Variants in FOCAD observed in about 807,000 individuals in gnomAD.
The protein encoded by FOCAD is focadhesin.
FOCAD carries 198 observed loss-of-function variants against 225.6 expected under a neutral mutation model. The observed-to-expected ratio is 0.88, with a 90% confidence interval of 0.78 to 0.99. FOCAD has a LOEUF of 0.99. Ranked by LOEUF, FOCAD falls within the 50% of genes least tolerant of loss-of-function variation. The probability of loss-of-function intolerance (pLI) is 0.00; values close to 1 mark genes in which losing one functional copy is unlikely to be tolerated. For synonymous variants in FOCAD, 897 were observed against 755.0 expected (o/e 1.19, Z -3.08); for missense variants, 2,713 against 2,123.6 (o/e 1.28, Z -5.46).
chr9:20,757,898 AAGG>A (rs1174415284), intron 5 of FOCAD, among the ~76,000 whole-genome samples, 189 bp from the exon 6 acceptor site: 1 of 152,138 alleles, frequency 6.6e-6, no homozygotes, highest in African/African-American at 2.4e-5. Flanking sequence ...ATGTTAGGAA[AAGG>A]CAGGGGGGAG....
chr9:20,730,361 T>A (rs1826585096), intron 4 of FOCAD, among the ~76,000 whole-genome samples: 1 of 152,174 alleles, frequency 6.6e-6, no homozygotes, highest in African/African-American at 2.4e-5. Context: ...ATAATTTATA[T>A]AGGAAAGGCA....
chr9:20,933,691 T>C lies in FOCAD; in HGVS notation c.3407+588T>C, dbSNP rs559902473. 3.3e-5 allele frequency among the ~76,000 whole-genome samples: 5 copies of C among 152,312 alleles called. No homozygotes were observed. The East Asian group carries it at 9.6e-4, about 29-fold the overall frequency. ...GCTATAAACATGCATGTGAAAGTAC[T>C]TTTTTGTATAATGACTTCTTTTCCT... On this transcript the variant is annotated intron_variant, in intron 28 of 43. Coordinates refer to ENST00000338382, the MANE Select transcript of FOCAD (RefSeq NM_001375567.1).
intron 14 of FOCAD, among the ~76,000 whole-genome samples, chr9:20,822,104 A>T (rs532311067): frequency 6.6e-6 from 1 of 151,652 alleles, no homozygotes; most frequent in Non-Finnish European, 1.5e-5. Flanking sequence ...CAGAGATAAA[A>T]GTTATTGGCT....
In FOCAD at chr9:20,781,714, T is replaced by C; in HGVS notation, c.995-13T>C. Reference sequence around the variant, plus strand: ...TAATTTTTAAAAATGTGCATTATTGTTTTGATGAATAGCTTTGAAGCTCCT... The same window carrying C: ...TAATTTTTAAAAATGTGCATTATTGCTTTGATGAATAGCTTTGAAGCTCCT... On this transcript the variant is annotated splice_polypyrimidine_tract_variant and intron_variant, in intron 9 of 43. Coordinates refer to ENST00000338382, the MANE Select transcript of FOCAD (RefSeq NM_001375567.1). The C allele has an allele frequency of 6.2e-7, 1 of 1,611,948 alleles. No homozygotes were observed. Among genetic ancestry groups the C allele is most frequent in the Non-Finnish European group, 8.5e-7 (1 of 1,179,150 alleles).
chr9:20,913,337 C>T lies in FOCAD; in HGVS notation c.2807+383C>T, dbSNP rs567452551. ...TGTAGTCAAGGATTACTTCTCCCCTCCTCTGCTCCCCTCTTCCCCAAGACA... is the reference window on the plus strand; with the variant it reads ...TGTAGTCAAGGATTACTTCTCCCCTTCTCTGCTCCCCTCTTCCCCAAGACA... On this transcript the variant is annotated intron_variant, in intron 23 of 43. Transcript: ENST00000338382. Among the ~76,000 whole-genome samples the T allele has an allele frequency of 2.6e-5, 4 of 152,210 alleles. No individual in the cohort carries two copies. The South Asian group carries it at 8.3e-4, about 32-fold the overall frequency.
In FOCAD at chr9:20,770,077, GA is replaced by G. The variant is rs1194488958; in HGVS notation, c.747del (p.Val250TyrfsTer3). 1 of 1,613,938 alleles carries G rather than the reference GA, an allele frequency of 6.2e-7. No homozygotes were observed. Among genetic ancestry groups the G allele is most frequent in the Admixed American group, 1.7e-5 (1 of 59,968 alleles). ...AACAGAGGCGATGATGTTTATTGAG[GA>G]AGTATGTTTAAGCCTTTTGCGTCAT... ...QTTEAMMFIE[E>X]VCLSLLRHPV... is the part of the protein sequence containing the mutation. On this transcript the variant is annotated frameshift_variant, in exon 8 of 44. Coordinates refer to ENST00000338382, the MANE Select transcript of FOCAD (RefSeq NM_001375567.1). LOFTEE classifies it high-confidence loss of function.
At position 20,757,955 on chromosome 9, in the gene FOCAD, A is replaced by T. The variant is rs1016838637; in HGVS notation, c.393-135A>T. The T allele has an allele frequency of 8.5e-6, 4 of 469,698 alleles. No individual in the cohort carries two copies. The Admixed American group carries it at 1.2e-4, about 14-fold the overall frequency. The allele number at this position is 469,698 out of a possible 1,614,324, so 29.1% of individuals were successfully genotyped here. A position where few individuals can be genotyped will look rare whatever the true frequency, so the allele number is the denominator to read the frequency against. On this transcript the variant is annotated intron_variant, in intron 5 of 43. Transcript: ENST00000338382. ...AACTCTGCAACAAATGGAGCAAGTG[A>T]TCATTTTGTGACAATTATGAATCGT...
rs538393642 is a variant in FOCAD, at chr9:20,747,396, T to C, written c.392+7056T>C. Reference sequence around the variant, plus strand: ...GTGCTTTCTAAAATTAAAAATAGTATGTGGCTGAGTTAAGTCTGAAATATT... The same window carrying C: ...GTGCTTTCTAAAATTAAAAATAGTACGTGGCTGAGTTAAGTCTGAAATATT... On this transcript the variant is annotated intron_variant, in intron 5 of 43. Coordinates refer to ENST00000338382, the MANE Select transcript of FOCAD (RefSeq NM_001375567.1). Among the ~76,000 whole-genome samples, 213 of 152,310 alleles carry C rather than the reference T, an allele frequency of 1.4e-3. 1 individual carries two copies. The highest frequency in any genetic ancestry group is 4.9e-3 in the African/African-American group (203 of 41,576).
chr9:20,895,395 T>A (rs1233172713), intron 21 of FOCAD, among the ~76,000 whole-genome samples: 1 of 151,970 alleles, frequency 6.6e-6, no homozygotes, highest in Non-Finnish European at 1.5e-5. Flanking sequence ...AATGTATAGA[T>A]GAAGTTAGGA....
At chr9:20,939,764 A>C (rs781299307) in intron 28 of FOCAD, among the ~76,000 whole-genome samples, 3 of 96,556 alleles carry the variant, frequency 3.1e-5, no homozygotes, top group Non-Finnish European at 6.7e-5. Context: ...TCTTTTTTTT[A>C]AATTATACTT....
At chr9:20,684,827 C>T (rs1024171164) in intron 1 of FOCAD, 2 of 152,292 alleles carry the variant, frequency 1.3e-5, no homozygotes, top group Admixed American at 1.3e-4. Context: ...TGAGCAGGGC[C>T]TGTTTTCAGT....
At chr9:20,663,193 C>T (rs1346419810) in intron 2 of FOCAD, among the ~76,000 whole-genome samples, 2 of 151,838 alleles carry the variant, frequency 1.3e-5, no homozygotes, top group African/African-American at 4.8e-5. Context: ...TTGAGACCAG[C>T]CTGGGCAACA....
At chr9:20,695,082 G>A (rs1823250509) in intron 1 of FOCAD, among the ~76,000 whole-genome samples, 1 of 152,172 alleles carries the variant, frequency 6.6e-6, no homozygotes, top group African/African-American at 2.4e-5. Context: ...TTCTGGACTT[G>A]ATCTATTGCT....
At chr9:20,730,033 C>A (rs985797609) in intron 4 of FOCAD, among the ~76,000 whole-genome samples, 1 of 152,118 alleles carries the variant, frequency 6.6e-6, no homozygotes, top group African/African-American at 2.4e-5. Context: ...AGAAAACTAG[C>A]CTTTCTTGAA....
At chr9:20,707,876 G>A (rs569846496) in intron 1 of FOCAD, among the ~76,000 whole-genome samples, 1 of 152,330 alleles carries the variant, frequency 6.6e-6, no homozygotes, top group South Asian at 2.1e-4. Context: ...CTGAGGCTAA[G>A]TGTGAGCAGG....
At chr9:20,858,051 CT>C (rs112928929) in intron 15 of FOCAD, among the ~76,000 whole-genome samples, 90,969 of 151,442 alleles carry the variant, frequency 0.6, 27,498 homozygotes, top group East Asian at 0.67. Context: ...CTGTAGTTCT[CT>C]TTTTTTTGTT....
chr9:20,994,053 A>G (rs549291696), intron 43 of FOCAD, among the ~76,000 whole-genome samples: 1 of 152,344 alleles, frequency 6.6e-6, no homozygotes, highest in African/African-American at 2.4e-5. Flanking sequence ...AAATACACAT[A>G]GCTCAAATAC....
chr9:20,874,660 T>C (rs760006455), intron 18 of FOCAD, 21 bp from the exon 19 acceptor site: 1 of 1,610,714 alleles, frequency 6.2e-7, no homozygotes, highest in South Asian at 1.1e-5. Flanking sequence ...CTCTCTATGA[T>C]CTTTTCGCTT....
At chr9:20,879,933 A>G (rs766247051) in intron 19 of FOCAD, among the ~76,000 whole-genome samples, 1 of 152,230 alleles carries the variant, frequency 6.6e-6, no homozygotes, top group Non-Finnish European at 1.5e-5. Context: ...TTGCCAGAAT[A>G]GGATCCTTCT....
Sources: gnomAD v4.1 joint callset for allele counts (sites outside exome capture counted in the v4.1 genomes callset) on GRCh38, gnomAD v4.1.1 for gene constraint, MANE v1.5 for transcripts, NCBI Gene and HGNC (gene_info 2026-07-23, HGNC 2026-07-21) for gene names.